ZNF772: variants seen among roughly 807,000 people sequenced by gnomAD.
The protein encoded by ZNF772 is zinc finger protein 772.
ZNF772 carries 8 observed loss-of-function variants against 11.0 expected under a neutral mutation model. That is an observed-to-expected ratio of 0.73 (90% CI 0.43 to 1.31). The LOEUF is 1.31. Ranked by LOEUF, ZNF772 falls within the 50% of genes most tolerant of loss-of-function variation. The pLI, the probability that ZNF772 is intolerant of heterozygous loss-of-function variation, is 0.01. For synonymous variants in ZNF772, 155 were observed against 180.4 expected, an observed-to-expected ratio of 0.86 and a Z score of 1.13; for missense variants, 496 against 552.3, an observed-to-expected ratio of 0.90 and a Z score of 1.02.
Position 57,473,168 on chromosome 19 carries a change from T to C in ZNF772, c.*106A>G, listed in dbSNP as rs576370061. 7.5e-5 allele frequency: 85 copies of C among 1,134,910 alleles called. 1 individual carries two copies. In the South Asian group the frequency reaches 1.3e-3, roughly 17 times the overall value. 70.3% of individuals were successfully genotyped at this position (1,134,910 alleles called of 1,614,324 possible). ...CCTCCCCAGGGTGAGTGTTTGAGTG[T>C]ATAAAGTTCTACTTCTGGCTGTCGG... is the stretch of plus-strand genomic sequence containing the variant. On this transcript the variant is annotated 3_prime_UTR_variant, in exon 4 of 4. Coordinates refer to ENST00000356584, the MANE Select transcript of ZNF772 (RefSeq NM_001144068.2).
Position 57,470,454 on chromosome 19 carries a change from TA to T in ZNF772, c.*2819del, listed in dbSNP as rs2089201685. 1 of 151,952 alleles carries T rather than the reference TA, an allele frequency of 6.6e-6. No homozygotes were observed. The highest frequency in any genetic ancestry group is 1.5e-5 in the Non-Finnish European group (1 of 68,002). The allele number at this position is 151,952 out of a possible 1,614,324, so 9.4% of individuals were successfully genotyped here. On this transcript the variant is annotated 3_prime_UTR_variant, in exon 4 of 4. Transcript: ENST00000356584. ...TAACATTAACATCTCTTCCCCATAT[TA>T]GGGGAAAAAAACCCAAAGGTTTGAA... is the stretch of plus-strand genomic sequence containing the variant.
chr19:57,475,012 G>A lies in ZNF772; in HGVS notation c.200-591C>T, dbSNP rs2089265957. The A allele has an allele frequency of 6.2e-7, 1 of 1,614,060 alleles. No individual in the cohort carries two copies. The highest frequency in any genetic ancestry group is 1.3e-5 in the African/African-American group (1 of 75,022). ...AGCCCTGACATCACACCTTTCCCCA[G>A]CTCCTACTCACCAGGGTCACTCCCA... On this transcript the variant is annotated intron_variant, in intron 3 of 3. Coordinates refer to ENST00000356584, the MANE Select transcript of ZNF772 (RefSeq NM_001144068.2). The surrounding 1 kb of genome is among the most constrained non-coding windows in gnomAD (Gnocchi z 4.2).
Position 57,474,358 on chromosome 19 carries a change from G to C in ZNF772, c.263C>G (p.Ser88Ter), listed in dbSNP as rs1172472095. 1.2e-6 allele frequency: 2 copies of C among 1,613,098 alleles called. No homozygotes were observed. Among genetic ancestry groups the C allele is most frequent in the Non-Finnish European group, 8.5e-7 (1 of 1,180,030 alleles). ...ACCTCCCTTGGGAATCCTGATCTGT[G>C]ACATTCCTATAGAAAAGCTCTGCTC... ...PFEQSFSIGM[S>*]QIRIPKGGPS... Residue 88 changes from serine to a stop codon, truncating the protein, a stop_gained, in exon 4 of 4, where the codon TCA becomes TGA. Coordinates refer to ENST00000356584, the MANE Select transcript of ZNF772 (RefSeq NM_001144068.2). LOFTEE classifies it low-confidence loss of function (END_TRUNC).
In ZNF772 at chr19:57,472,679, C is replaced by T. The variant is rs558461811; in HGVS notation, c.*595G>A. 4.2e-3 allele frequency: 657 copies of T among 155,328 alleles called. 3 individuals are homozygous for T. The highest frequency in any genetic ancestry group is 6.5e-3 in the Non-Finnish European group (451 of 69,894). The allele number at this position is 155,328 out of a possible 1,614,324, so 9.6% of individuals were successfully genotyped here. A position where few individuals can be genotyped will look rare whatever the true frequency, so the allele number is the denominator to read the frequency against. On this transcript the variant is annotated 3_prime_UTR_variant, in exon 4 of 4. Coordinates refer to ENST00000356584, the MANE Select transcript of ZNF772 (RefSeq NM_001144068.2). ...CCCAACCCACAAAGCGAACAGAATC[C>T]TCAAGATTTCAGATAGTCTAAAAAT... is the stretch of plus-strand genomic sequence containing the variant.
chr19:57,477,480 G>C lies in ZNF772; in HGVS notation c.-171C>G. Reference sequence around the variant, plus strand: ...ACGTTTTCCCTTTTCTGTCACCTCAGGTCTGACATTGCGTTCTGGAAACTA... The same window carrying C: ...ACGTTTTCCCTTTTCTGTCACCTCACGTCTGACATTGCGTTCTGGAAACTA... On this transcript the variant is annotated 5_prime_UTR_variant, in exon 1 of 4. Transcript: ENST00000356584. The C allele has an allele frequency of 3.2e-6, 2 of 622,430 alleles. No homozygotes were observed. Among genetic ancestry groups the C allele is most frequent in the Non-Finnish European group, 5.5e-6 (2 of 361,916 alleles). 38.6% of individuals were successfully genotyped at this position (622,430 alleles called of 1,614,324 possible).
intron 3 of ZNF772, among the ~76,000 whole-genome samples, chr19:57,474,796 C>T (rs755969412): frequency 6.6e-6 from 1 of 152,188 alleles, no homozygotes; most frequent in Non-Finnish European, 1.5e-5. Context: ...ATTTGGGCTA[C>T]ACATCTCATG....
At position 57,475,294 on chromosome 19, in the gene ZNF772, G is replaced by A; in HGVS notation, c.199+366C>T. 9.6e-7 allele frequency: 1 copy of A among 1,045,404 alleles called. No individual in the cohort carries two copies. The highest frequency in any genetic ancestry group is 1.4e-6 in the Non-Finnish European group (1 of 733,746). 64.8% of individuals were successfully genotyped at this position (1,045,404 alleles called of 1,614,324 possible). On this transcript the variant is annotated intron_variant, in intron 3 of 3. Coordinates refer to ENST00000356584, the MANE Select transcript of ZNF772 (RefSeq NM_001144068.2). This position sits in a 1 kb window ranked among gnomAD's most constrained non-coding sequence, Gnocchi z 4.2. ...AATGGTCCCTACAATTCCTGACATA[G>A]GCAGGCCACAGGAAATGTCAGCTAA...
rs1393680709 is a variant in ZNF772, at chr19:57,473,715, T to A, written c.906A>T (p.Val302=). 6.2e-7 allele frequency: 1 copy of A among 1,614,048 alleles called. No individual in the cohort carries two copies. Among genetic ancestry groups the A allele is most frequent in the East Asian group, 2.2e-5 (1 of 44,890 alleles). ...HSSNLIVHQR[V]HTGARPYKCS... ...ACTTGTAAGGCCTTGCTCCAGTGTG[T>A]ACTCTTTGATGTACAATAAGGTTAG... Residue 302 remains valine, a synonymous_variant, in exon 4 of 4, where the codon GTA becomes GTT. Coordinates refer to ENST00000356584, the MANE Select transcript of ZNF772 (RefSeq NM_001144068.2).
chr19:57,470,922 C>G lies in ZNF772; in HGVS notation c.*2352G>C, dbSNP rs1366938722. On this transcript the variant is annotated 3_prime_UTR_variant, in exon 4 of 4. Transcript: ENST00000356584. ...CCCTCCATCTACCATGGAAATCAAA[C>G]TTGTAGTTAGATGCTGTCCTACAAA... is the stretch of plus-strand genomic sequence containing the variant. 2.0e-5 allele frequency: 3 copies of G among 151,788 alleles called. No individual in the cohort carries two copies. The highest frequency in any genetic ancestry group is 1.3e-4 in the Admixed American group (2 of 15,226). 9.4% of individuals were successfully genotyped at this position (151,788 alleles called of 1,614,324 possible). A position where few individuals can be genotyped will look rare whatever the true frequency, so the allele number is the denominator to read the frequency against.
At position 57,474,118 on chromosome 19, in the gene ZNF772, A is replaced by C. The variant is rs1399388741; in HGVS notation, c.503T>G (p.Leu168Arg). Residue 168 changes from leucine to arginine, a missense_variant, in exon 4 of 4, where the codon CTT becomes CGT. By Grantham distance (102) the Leu-to-Arg change is moderately radical. Transcript: ENST00000356584. ...PFRSDKSRPF[L>R]LNNCAVQSME... ...TGATTGCACAGCACAGTTGTTCAGA[A>C]GAAAGGGCCTGCTCTTATCACTTCT... is the stretch of plus-strand genomic sequence containing the variant. 1 of 1,614,218 alleles carries C rather than the reference A, an allele frequency of 6.2e-7. No homozygotes were observed. The highest frequency in any genetic ancestry group is 1.7e-5 in the Admixed American group (1 of 60,034).
chr19:57,475,185 A>G lies in ZNF772; in HGVS notation c.199+475T>C. ...AGAACAGCACTGGTCTGGGTAACCCATATAGAAAACTAAATATTATTAAAA... is the reference window on the plus strand; with the variant it reads ...AGAACAGCACTGGTCTGGGTAACCCGTATAGAAAACTAAATATTATTAAAA... On this transcript the variant is annotated intron_variant, in intron 3 of 3. Coordinates refer to ENST00000356584, the MANE Select transcript of ZNF772 (RefSeq NM_001144068.2). This position sits in a 1 kb window ranked among gnomAD's most constrained non-coding sequence, Gnocchi z 4.2. 6.2e-7 allele frequency: 1 copy of G among 1,608,192 alleles called. No individual in the cohort carries two copies. Among genetic ancestry groups the G allele is most frequent in the South Asian group, 1.1e-5 (1 of 90,784 alleles).
chr19:57,472,058 G>GTAACCT lies in ZNF772; in HGVS notation c.*1210_*1215dup, dbSNP rs1426169560. The stretch of plus-strand genomic sequence containing the variant: ...AAATGTTTAGACTGACTTCTGGACA[G>GTAACCT]TAACCTTAGCCATAAGAGACACAGG... On this transcript the variant is annotated 3_prime_UTR_variant, in exon 4 of 4. Coordinates refer to ENST00000356584, the MANE Select transcript of ZNF772 (RefSeq NM_001144068.2). The GTAACCT allele has an allele frequency of 2.2e-6, 1 of 452,178 alleles. No homozygotes were observed. The allele number at this position is 452,178 out of a possible 1,614,324, so 28.0% of individuals were successfully genotyped here. A position where few individuals can be genotyped will look rare whatever the true frequency, so the allele number is the denominator to read the frequency against.
In ZNF772 at chr19:57,477,398, G is replaced by A. The variant is rs1221749527; in HGVS notation, c.-89C>T. On this transcript the variant is annotated 5_prime_UTR_variant, in exon 1 of 4. Transcript: ENST00000356584. ...CCAGCCCAGCGGCTAGGTCACTCAGGCAGCGCCACTGTCAAGCCTCAGGCC... is the reference window on the plus strand; with the variant it reads ...CCAGCCCAGCGGCTAGGTCACTCAGACAGCGCCACTGTCAAGCCTCAGGCC... The A allele has an allele frequency of 6.8e-7, 1 of 1,465,298 alleles. No individual in the cohort carries two copies. 90.8% of individuals were successfully genotyped at this position (1,465,298 alleles called of 1,614,324 possible).
intron 3 of ZNF772, chr19:57,474,902 G>T: frequency 7.1e-7 from 1 of 1,413,528 alleles, no homozygotes; most frequent in Admixed American, 2.0e-5. Flanking sequence ...AACATCCAGA[G>T]GCCAAAGGCC....
In ZNF772 at chr19:57,475,052, G is replaced by C; in HGVS notation, c.199+608C>G. The C allele has an allele frequency of 6.2e-7, 1 of 1,614,170 alleles. No individual in the cohort carries two copies. The highest frequency in any genetic ancestry group is 1.3e-5 in the African/African-American group (1 of 75,022). On this transcript the variant is annotated intron_variant, in intron 3 of 3. Transcript: ENST00000356584. This position sits in a 1 kb window ranked among gnomAD's most constrained non-coding sequence, Gnocchi z 4.2. ...GGTCACTCCCACCTGGAGTCTCTGT[G>C]GCAACAGCTAGGGTCATGTCCACCC... is the stretch of plus-strand genomic sequence containing the variant.
At position 57,477,490 on chromosome 19, in the gene ZNF772, T is replaced by C. The variant is rs539000942; in HGVS notation, c.-181A>G. The C allele has an allele frequency of 9.0e-5, 53 of 587,054 alleles. 1 individual carries two copies. The highest frequency in any genetic ancestry group is 1.5e-4 in the Non-Finnish European group (51 of 335,122). The allele number at this position is 587,054 out of a possible 1,614,324, so 36.4% of individuals were successfully genotyped here. ...TTTTCTGTCACCTCAGGTCTGACAT[T>C]GCGTTCTGGAAACTAAACCAGTGGA... On this transcript the variant is annotated 5_prime_UTR_variant, in exon 1 of 4. Transcript: ENST00000356584.
rs1432145840 is a variant in ZNF772, at chr19:57,473,818, A to G, written c.803T>C (p.Leu268Pro). Residue 268 changes from leucine (L) to proline (P), a missense_variant, in exon 4 of 4, where the codon CTT becomes CCT. Leu to Pro is a moderately conservative substitution (Grantham distance 98, BLOSUM62 -3). Transcript: ENST00000356584. ...CGKTFSRKPILAQHQRIHTGE... is the reference protein window; with the variant it reads ...CGKTFSRKPIPAQHQRIHTGE... ...AGTGTGGATTCTCTGGTGCTGAGCA[A>G]GTATGGGTTTGCGGCTAAAGGTTTT... 5 of 1,613,784 alleles carry G rather than the reference A, an allele frequency of 3.1e-6. No homozygotes were observed.
chr19:57,473,811 C>G lies in ZNF772; in HGVS notation c.810G>C (p.Gln270His). The G allele has an allele frequency of 1.9e-6, 3 of 1,613,868 alleles. No homozygotes were observed. Among genetic ancestry groups the G allele is most frequent in the Non-Finnish European group, 2.5e-6 (3 of 1,179,948 alleles). The change falls in exon 4 of 4, where the codon CAG becomes CAC. Residue 270 changes from glutamine to histidine, a missense_variant. By Grantham distance (24) the Gln-to-His change is conservative. Coordinates refer to ENST00000356584, the MANE Select transcript of ZNF772 (RefSeq NM_001144068.2). ...TTTCTCCAGTGTGGATTCTCTGGTG[C>G]TGAGCAAGTATGGGTTTGCGGCTAA... Reference protein sequence around the residue: ...KTFSRKPILAQHQRIHTGEMP... With the variant: ...KTFSRKPILAHHQRIHTGEMP...
At position 57,473,611 on chromosome 19, in the gene ZNF772, T is replaced by C; in HGVS notation, c.1010A>G (p.Tyr337Cys). ...HESIHTGERP[Y>C]ECSECGKYFG... ...GTATTTTCCACATTCGCTGCACTCA[T>C]ATGGCCTTTCTCCAGTATGGATACT... The change falls in exon 4 of 4, where the codon TAT becomes TGT. Residue 337 changes from tyrosine (Y) to cysteine (C), a missense_variant. By Grantham distance (194) the Tyr-to-Cys change is radical. Transcript: ENST00000356584. 1.2e-6 allele frequency: 2 copies of C among 1,614,164 alleles called. No homozygotes were observed. Among genetic ancestry groups the C allele is most frequent in the Non-Finnish European group, 1.7e-6 (2 of 1,180,006 alleles).
Sources: gnomAD v4.1 joint callset for allele counts (sites outside exome capture counted in the v4.1 genomes callset) on GRCh38, gnomAD v4.1.1 for gene constraint, Gnocchi (gnomAD v3.1) non-coding constraint, MANE v1.5 for transcripts, NCBI Gene and HGNC (gene_info 2026-07-23, HGNC 2026-07-21) for gene names.